Variants in SVEP1 observed in about 807,000 individuals in gnomAD.
The protein encoded by SVEP1 is sushi, von Willebrand factor type A, EGF and pentraxin domain containing 1, also known as sushi, von Willebrand factor type A, EGF and pentraxin domain-containing protein 1.
A neutral mutation model predicts 367.3 loss-of-function variants in SVEP1; 164 were observed. The ratio of observed to expected loss-of-function variants is 0.45; its 90% CI spans 0.39 to 0.51. SVEP1 has a LOEUF of 0.51. SVEP1 is among the 20% of genes least tolerant of loss of function. The pLI, the probability that SVEP1 is intolerant of heterozygous loss-of-function variation, is 0.00. For synonymous variants in SVEP1, 1,666 were observed against 1,611.6 expected (o/e 1.03, Z -0.81); for missense variants, 4,117 against 4,425.3 (o/e 0.93, Z 1.98).
At position 110,445,869 on chromosome 9, in the gene SVEP1, G is replaced by A. The variant is rs776596801; in HGVS notation, c.4431C>T (p.Ser1477=). 4.0e-5 allele frequency: 65 copies of A among 1,613,684 alleles called. 1 individual carries two copies. In the South Asian group the frequency reaches 4.9e-4, roughly 12 times the overall value. Residue 1477 remains serine (S), a synonymous_variant, in exon 26 of 48, where the codon AGC becomes AGT. Coordinates refer to ENST00000374469, the MANE Select transcript of SVEP1 (RefSeq NM_153366.4). ...AATCAGTCAGGAGCAAGGTATTGTC[G>A]CTGCCGTTATCAACTGCATAGGAGA... ...TPISYAVDNG[S]DNTLLLTDYN...
At position 110,408,454 on chromosome 9, in the gene SVEP1, G is replaced by C; in HGVS notation, c.7146C>G (p.Thr2382=). ...CACCAAAGGAAATTAGGGGAGGTGG[G>C]GTACAAAGAACAATCTTACAAACAG... ...SFPVCKIVLC[T]PPPLISFGVP... is the part of the protein sequence containing the mutation. Residue 2382 remains threonine, a synonymous_variant, in exon 38 of 48, where the codon ACC becomes ACG. Coordinates refer to ENST00000374469, the MANE Select transcript of SVEP1 (RefSeq NM_153366.4). 1.9e-6 allele frequency: 3 copies of C among 1,613,928 alleles called. No homozygotes were observed. Among genetic ancestry groups the C allele is most frequent in the African/African-American group, 1.3e-5 (1 of 75,024 alleles).
intron 36 of SVEP1, among the ~76,000 whole-genome samples, chr9:110,426,365 G>T (rs1422746645): frequency 6.6e-6 from 1 of 152,004 alleles, no homozygotes; most frequent in Admixed American, 6.6e-5. Flanking sequence ...GGCTAAGTTT[G>T]TTGGGTTCAT....
intron 4 of SVEP1, among the ~76,000 whole-genome samples, chr9:110,513,738 C>A (rs1269044884): frequency 6.6e-6 from 1 of 152,116 alleles, no homozygotes; most frequent in Non-Finnish European, 1.5e-5. Flanking sequence ...TTATTCCCAG[C>A]ATCTCAGTTC....
intron 3 of SVEP1, among the ~76,000 whole-genome samples, chr9:110,535,121 G>T (rs1004978668): frequency 2.0e-5 from 3 of 152,048 alleles, no homozygotes; most frequent in Admixed American, 6.6e-5. Context: ...GTATTGTCTA[G>T]GTTGTCTTCC....
chr9:110,485,435 G>T (rs1317025893), intron 9 of SVEP1, among the ~76,000 whole-genome samples: 12 of 152,136 alleles, frequency 7.9e-5, no homozygotes, highest in African/African-American at 2.7e-4. Flanking sequence ...CCTTTCAGGG[G>T]TTGGGGGAGA....
At chr9:110,429,842 C>T in intron 34 of SVEP1, 78 bp downstream of exon 34, 3 of 1,193,674 alleles carry the variant, frequency 2.5e-6, no homozygotes, top group South Asian at 1.3e-5. Flanking sequence ...TTTTCCCACC[C>T]CCTTTCTTTC....
chr9:110,365,436 AC>A lies in SVEP1; in HGVS notation c.*1102del, dbSNP rs1827183370. Reference sequence around the variant, plus strand: ...CCTTTCTGCATTCCTCCACAGTGCTACAACACACTCCAAGGCCTGTGTGGGA... The same window carrying A: ...CCTTTCTGCATTCCTCCACAGTGCTAAACACACTCCAAGGCCTGTGTGGGA... On this transcript the variant is annotated 3_prime_UTR_variant, in exon 48 of 48. Coordinates refer to ENST00000374469, the MANE Select transcript of SVEP1 (RefSeq NM_153366.4). 6.6e-6 allele frequency: 1 copy of A among 152,226 alleles called. No homozygotes were observed. The highest frequency in any genetic ancestry group is 2.4e-5 in the African/African-American group (1 of 41,450). The allele number at this position is 152,226 out of a possible 1,614,324, so 9.4% of individuals were successfully genotyped here.
At chr9:110,576,403 T>C (rs1354947159) in intron 1 of SVEP1, among the ~76,000 whole-genome samples, 3 of 152,306 alleles carry the variant, frequency 2.0e-5, no homozygotes, top group East Asian at 3.9e-4. Context: ...TCCTTTTTCC[T>C]GGGTAAACAT....
chr9:110,380,342 C>T lies in SVEP1; in HGVS notation c.10238-825G>A, dbSNP rs59681624. On this transcript the variant is annotated intron_variant, in intron 43 of 47. Coordinates refer to ENST00000374469, the MANE Select transcript of SVEP1 (RefSeq NM_153366.4). ...TGAATGAAGAGTCCTTATAAGCCGGCGTCTAAAAGATCACTTTGTTGTCAT... is the reference window on the plus strand; with the variant it reads ...TGAATGAAGAGTCCTTATAAGCCGGTGTCTAAAAGATCACTTTGTTGTCAT... 3.6e-3 allele frequency among the ~76,000 whole-genome samples: 546 copies of T among 152,118 alleles called. 4 individuals are homozygous for T. The highest frequency in any genetic ancestry group is 0.012 in the African/African-American group (501 of 41,506).
chr9:110,433,317 C>T (rs1828380357), intron 30 of SVEP1, among the ~76,000 whole-genome samples: 1 of 115,422 alleles, frequency 8.7e-6, no homozygotes, highest in South Asian at 3.0e-4. Context: ...GCCAAACAAA[C>T]AAAATCCCTG....
intron 3 of SVEP1, among the ~76,000 whole-genome samples, chr9:110,518,194 G>A (rs1174813726): frequency 2.0e-5 from 3 of 151,982 alleles, no homozygotes; most frequent in Non-Finnish European, 4.4e-5. Flanking sequence ...AGGATAAGGC[G>A]GGCCGATCAC....
intron 2 of SVEP1, 131 bp downstream of exon 2, chr9:110,549,718 G>T: frequency 5.2e-6 from 6 of 1,160,134 alleles, no homozygotes; most frequent in East Asian, 2.6e-5. Flanking sequence ...GATGCCCAAA[G>T]GACACATGGG....
intron 9 of SVEP1, among the ~76,000 whole-genome samples, chr9:110,487,612 T>G (rs186371903): frequency 6.3e-4 from 96 of 152,346 alleles, no homozygotes; most frequent in African/African-American, 2.2e-3. Context: ...ATGTAACATT[T>G]TTAAAACAAA....
intron 1 of SVEP1, among the ~76,000 whole-genome samples, chr9:110,574,740 C>CTT (rs1564180524): frequency 1.6e-4 from 17 of 106,324 alleles, no homozygotes; most frequent in Admixed American, 3.7e-4. Flanking sequence ...TCCAGTCGAC[C>CTT]TTCTTTTTTT....
In SVEP1 at chr9:110,401,613, G is replaced by A. The variant is rs576951898; in HGVS notation, c.9667-604C>T. On this transcript the variant is annotated intron_variant, in intron 39 of 47. Transcript: ENST00000374469. ...TTTTATAAAGAAATCCTCAATAAAT[G>A]ATTAAAATAAAAATAACCAAAATAA... is the stretch of plus-strand genomic sequence containing the variant. Among the ~76,000 whole-genome samples, 116 of 150,720 alleles carry A rather than the reference G, an allele frequency of 7.7e-4. 1 individual carries two copies. Among genetic ancestry groups the A allele is most frequent in the African/African-American group, 2.6e-3 (109 of 41,270 alleles).
intron 24 of SVEP1, among the ~76,000 whole-genome samples, chr9:110,448,850 T>C (rs1470414161): frequency 1.3e-5 from 2 of 152,210 alleles, no homozygotes; most frequent in South Asian, 2.1e-4. Flanking sequence ...CATTTCCACA[T>C]TGTAGGTGAA....
rs529571841 is a variant in SVEP1, at chr9:110,522,210, A to G, written c.965-8104T>C. On this transcript the variant is annotated intron_variant, in intron 3 of 47. Transcript: ENST00000374469. ...GGGTTTCAACTTGAACCTAGATTAG[A>G]TCCATCCCTGGGATTCAGACTTGTG... Among the ~76,000 whole-genome samples, 328 of 152,246 alleles carry G rather than the reference A, an allele frequency of 2.2e-3. 1 individual carries two copies. The highest frequency in any genetic ancestry group is 7.8e-3 in the African/African-American group (326 of 41,534).
intron 3 of SVEP1, among the ~76,000 whole-genome samples, chr9:110,528,170 A>G (rs1336573981): frequency 2.5e-4 from 33 of 131,094 alleles, no homozygotes; most frequent in African/African-American, 6.5e-4. Context: ...ATATATATAT[A>G]TATATATATA....
chr9:110,414,485 G>A (rs1564136466), intron 36 of SVEP1, among the ~76,000 whole-genome samples: 1 of 151,964 alleles, frequency 6.6e-6, no homozygotes. Context: ...GATAGGCTCA[G>A]TTCTTTGTAT....
Sources: allele counts gnomAD v4.1 joint callset (sites outside exome capture counted in the v4.1 genomes callset), GRCh38; gene constraint gnomAD v4.1.1; transcripts MANE v1.5; gene names NCBI Gene and HGNC (gene_info 2026-07-23, HGNC 2026-07-21).